Variants in RIMS1 observed in about 807,000 individuals in gnomAD.
RIMS1 encodes regulating synaptic membrane exocytosis 1, also known as regulating synaptic membrane exocytosis protein 1.
In RIMS1, 83 loss-of-function variants were observed where a neutral mutation model predicts 214.1. The observed-to-expected ratio is 0.39, with a 90% CI of 0.32 to 0.47. RIMS1 has a LOEUF of 0.47. Among genes scored for constraint, RIMS1 ranks in the 20% least tolerant of loss-of-function variants. The pLI is 0.99. For synonymous variants in RIMS1, 793 were observed against 786.8 expected (o/e 1.01, Z -0.13); for missense variants, 2,050 against 2,161.8 (o/e 0.95, Z 1.03).
intron 4 of RIMS1, among the ~76,000 whole-genome samples, chr6:72,123,632 C>T (rs1403553869): frequency 6.6e-6 from 1 of 151,800 alleles, no homozygotes; most frequent in Non-Finnish European, 1.5e-5. Context: ...TCTCTAAGGA[C>T]TTGCCTTATG....
chr6:71,892,612 C>A (rs117729460), intron 1 of RIMS1, among the ~76,000 whole-genome samples: 2 of 152,176 alleles, frequency 1.3e-5, no homozygotes, highest in Non-Finnish European at 2.9e-5. Flanking sequence ...TTCCCTAATA[C>A]CATAGCATTT....
intron 4 of RIMS1, among the ~76,000 whole-genome samples, chr6:72,110,286 C>G (rs2035772452): frequency 6.6e-6 from 1 of 152,118 alleles, no homozygotes; most frequent in African/African-American, 2.4e-5. Context: ...TATAAATTAC[C>G]TTGGGCAGTA....
intron 1 of RIMS1, among the ~76,000 whole-genome samples, chr6:71,896,614 C>T (rs1290894544): frequency 3.3e-5 from 5 of 151,858 alleles, no homozygotes; most frequent in South Asian, 4.2e-4. Context: ...TAAGGTTGTG[C>T]AAATTAAAAA....
At chr6:72,038,106 AAAAAAAAAAAAAATATATATAT>A (rs1416308771) in intron 2 of RIMS1, among the ~76,000 whole-genome samples, 1 of 78,310 alleles carries the variant, frequency 1.3e-5, no homozygotes, top group Non-Finnish European at 2.4e-5. Context: ...AAAAAAAAAA[AAAAAAAAAAAAAATATATATAT>A]ATATATATAT....
At chr6:72,396,254 T>C (rs556685175) in intron 31 of RIMS1, among the ~76,000 whole-genome samples, 5 of 152,302 alleles carry the variant, frequency 3.3e-5, no homozygotes, top group African/African-American at 1.2e-4. Context: ...AGTTTACTTA[T>C]CTGTTAACGT....
Position 72,182,862 on chromosome 6 carries a change from T to G in RIMS1, c.1391T>G (p.Leu464Arg), listed in dbSNP as rs2048558432. The change falls in exon 6 of 34, where the codon CTC (leucine) becomes CGC (arginine). Residue 464 changes from leucine to arginine, a missense_variant. Physicochemically the swap from Leu to Arg is moderately radical, Grantham distance 102. Transcript: ENST00000521978. ...CCGGTTCCCGCAGAAGCCCCGGAGC[T>G]CAAAGCCCAGGAGCCCCTCAGGAAG... The part of the protein sequence containing the change: ...HGPVPAEAPE[L>R]KAQEPLRKQS... The G allele has an allele frequency of 3.8e-6, 6 of 1,558,852 alleles. No homozygotes were observed. The highest frequency in any genetic ancestry group is 5.2e-6 in the Non-Finnish European group (6 of 1,153,866).
chr6:72,257,988 A>C, intron 16 of RIMS1, 137 bp from the exon 17 acceptor site: 1 of 721,086 alleles, frequency 1.4e-6, no homozygotes, highest in Non-Finnish European at 2.3e-6. Context: ...TTTTGAAGAT[A>C]AGGCTATTAA....
At chr6:72,311,273 A>G (rs2095497460) in intron 27 of RIMS1, among the ~76,000 whole-genome samples, 1 of 152,212 alleles carries the variant, frequency 6.6e-6, no homozygotes, top group Non-Finnish European at 1.5e-5. Context: ...AACCAATAAT[A>G]CAGGAGTTGT....
intron 2 of RIMS1, among the ~76,000 whole-genome samples, chr6:72,058,844 A>C (rs536923781): frequency 1.2e-4 from 19 of 152,348 alleles, no homozygotes; most frequent in African/African-American, 4.6e-4. Flanking sequence ...GAAGCAGTGC[A>C]CTTGGTCTGA....
At chr6:71,982,321 C>T (rs919271293) in intron 2 of RIMS1, among the ~76,000 whole-genome samples, 2 of 152,062 alleles carry the variant, frequency 1.3e-5, no homozygotes, top group African/African-American at 2.4e-5. Context: ...GCTTGGAAAA[C>T]GTGTGACTTT....
At chr6:72,060,199 C>A (rs1303488480) in intron 2 of RIMS1, among the ~76,000 whole-genome samples, 1 of 151,956 alleles carries the variant, frequency 6.6e-6, no homozygotes, top group Non-Finnish European at 1.5e-5. Context: ...AAACTCCCGA[C>A]CTCAGGTGAT....
intron 1 of RIMS1, among the ~76,000 whole-genome samples, chr6:71,889,834 A>AATTACCAC (rs1769060479): frequency 6.6e-6 from 1 of 152,264 alleles, no homozygotes; most frequent in Non-Finnish European, 1.5e-5. Flanking sequence ...GTTACATCAG[A>AATTACCAC]GAAAAGTTTT....
At chr6:71,954,466 A>C (rs1051446347) in intron 1 of RIMS1, among the ~76,000 whole-genome samples, 2 of 152,140 alleles carry the variant, frequency 1.3e-5, no homozygotes, top group Non-Finnish European at 2.9e-5. Flanking sequence ...TTCCTACATA[A>C]ACCTGTTTCT....
chr6:71,919,221 G>A (rs1001857225), intron 1 of RIMS1, among the ~76,000 whole-genome samples: 1 of 152,110 alleles, frequency 6.6e-6, no homozygotes, highest in Non-Finnish European at 1.5e-5. Flanking sequence ...TAGTGATAGT[G>A]TCAGTGGGGA....
At chr6:72,005,534 A>C (rs955818037) in intron 2 of RIMS1, among the ~76,000 whole-genome samples, 2 of 152,192 alleles carry the variant, frequency 1.3e-5, no homozygotes, top group Admixed American at 6.5e-5. Context: ...TTAGCTTAAA[A>C]ATTATTTACT....
chr6:72,228,483 G>C (rs1056402055), intron 6 of RIMS1, among the ~76,000 whole-genome samples: 1 of 151,756 alleles, frequency 6.6e-6, no homozygotes. Flanking sequence ...TTTCATCCAT[G>C]TTGTCAAAAA....
At chr6:72,323,906 G>T (rs2096297802) in intron 28 of RIMS1, among the ~76,000 whole-genome samples, 1 of 151,630 alleles carries the variant, frequency 6.6e-6, no homozygotes, top group South Asian at 2.1e-4. Flanking sequence ...CAAATTTGAT[G>T]GAATGGCCAA....
rs1818034224 is a variant in RIMS1 at position 72,031,273 on chromosome 6, T to C, written c.245+62210T>C. ...TCTGATTTTCTGTCTGAGGGAAGTGTGGGGATTTTAGTTCCACCACTTCCT... is the reference window on the plus strand; with the variant it reads ...TCTGATTTTCTGTCTGAGGGAAGTGCGGGGATTTTAGTTCCACCACTTCCT... On this transcript the variant is annotated intron_variant, in intron 2 of 33. Transcript: ENST00000521978. 2.6e-5 allele frequency among the ~76,000 whole-genome samples: 4 copies of C among 152,102 alleles called. No homozygotes were observed. In the South Asian group the frequency reaches 8.3e-4, roughly 32 times the overall value.
At chr6:72,322,606 C>G (rs190166004) in intron 28 of RIMS1, among the ~76,000 whole-genome samples, 4 of 151,942 alleles carry the variant, frequency 2.6e-5, no homozygotes, top group African/African-American at 9.7e-5. Context: ...AAATAATGAA[C>G]AACAACAGCA....
Sources: gnomAD v4.1 joint callset for allele counts (sites outside exome capture counted in the v4.1 genomes callset) on GRCh38, gnomAD v4.1.1 for gene constraint, MANE v1.5 for transcripts, NCBI Gene and HGNC (gene_info 2026-07-23, HGNC 2026-07-21) for gene names.